The following IGF2R variants were observed in gnomAD, a reference collection of about 807,000 sequenced individuals.
The protein encoded by IGF2R is cation-independent mannose-6-phosphate receptor.
Under a neutral mutation model 270.6 loss-of-function variants are expected in IGF2R, and 91 were observed. The ratio of observed to expected loss-of-function variants is 0.34; its 90% CI spans 0.28 to 0.40. The LOEUF (loss-of-function observed/expected upper bound fraction) is 0.40. IGF2R is among the 10% of genes least tolerant of loss of function. The pLI is 1.00. For synonymous variants in IGF2R, 1,316 were observed against 1,258.9 expected (o/e 1.05, Z -0.96); for missense variants, 2,805 against 3,188.3 (o/e 0.88, Z 2.90).
At position 160,050,479 on chromosome 6, in the gene IGF2R, T is replaced by G. The variant is rs1474064627; in HGVS notation, c.2521T>G (p.Phe841Val). The G allele has an allele frequency of 8.1e-6, 13 of 1,607,818 alleles. No homozygotes were observed. Among genetic ancestry groups the G allele is most frequent in the Non-Finnish European group, 1.1e-5 (13 of 1,174,800 alleles). The change falls in exon 19 of 48, where the codon TTC (phenylalanine) becomes GTC (valine). Residue 841 changes from phenylalanine to valine, a missense_variant. Physicochemically the swap from Phe to Val is conservative, Grantham distance 50. Transcript: ENST00000356956. This position sits in a 1 kb window ranked among gnomAD's most constrained non-coding sequence, Gnocchi z 4.0. ...QMKYEKDQGS[F>V]TEVVSISNLG... ...AAGACTGGTTTTCTTGCAGGGCTCCTTCACTGAAGTGGTTTCCATCAGTAA... is the reference window on the plus strand; with the variant it reads ...AAGACTGGTTTTCTTGCAGGGCTCCGTCACTGAAGTGGTTTCCATCAGTAA...
chr6:160,032,830 G>A (rs12374637), intron 8 of IGF2R, 112 bp from the exon 9 acceptor site: 1 of 1,396,738 alleles, frequency 7.2e-7, no homozygotes, highest in Non-Finnish European at 9.8e-7. Flanking sequence ...GAGAGCTGTA[G>A]TTTGGGCTGG....
At chr6:160,101,295 C>A (rs1367550697) in intron 45 of IGF2R, among the ~76,000 whole-genome samples, 1 of 152,150 alleles carries the variant, frequency 6.6e-6, no homozygotes, top group East Asian at 1.9e-4. Flanking sequence ...GGATGCATTT[C>A]GAGTGGTCCT....
intron 5 of IGF2R, among the ~76,000 whole-genome samples, chr6:160,026,327 G>A (rs957076096): frequency 6.6e-6 from 1 of 152,200 alleles, no homozygotes; most frequent in African/African-American, 2.4e-5. Context: ...ACTAGCTGGT[G>A]CAAAGGTAGA....
At chr6:160,070,317 T>C (rs1778689931) in intron 31 of IGF2R, among the ~76,000 whole-genome samples, 1 of 152,148 alleles carries the variant, frequency 6.6e-6, no homozygotes, top group African/African-American at 2.4e-5. Context: ...CTCAGACCCC[T>C]AAAGGCTGTG....
intron 39 of IGF2R, among the ~76,000 whole-genome samples, chr6:160,082,458 C>T (rs187957044): frequency 1.4e-4 from 21 of 152,040 alleles, no homozygotes; most frequent in African/African-American, 3.1e-4. Flanking sequence ...TACAGGGGCC[C>T]GCCACCTCAC....
At chr6:160,091,936 C>A (rs1461354568) in intron 44 of IGF2R, among the ~76,000 whole-genome samples, 1 of 152,230 alleles carries the variant, frequency 6.6e-6, no homozygotes, top group African/African-American at 2.4e-5. Flanking sequence ...TCAGGTTATT[C>A]ACTAGTTCCC....
intron 2 of IGF2R, among the ~76,000 whole-genome samples, chr6:159,997,221 T>C (rs571802801): frequency 6.5e-4 from 99 of 152,266 alleles, no homozygotes; most frequent in African/African-American, 2.0e-3. Flanking sequence ...CTGTACTCTT[T>C]CTTCCCTTAG....
intron 2 of IGF2R, chr6:160,005,176 G>T (rs8191719): frequency 6.6e-6 from 1 of 152,298 alleles, no homozygotes; most frequent in Non-Finnish European, 1.5e-5. Flanking sequence ...ACAACGAACA[G>T]CTTTGTACAT....
In IGF2R at chr6:160,047,312, G is replaced by A. The variant is rs1444730484; in HGVS notation, c.2205G>A (p.Ala735=). The change falls in exon 16 of 48, where the codon GCG becomes GCA. Residue 735 remains alanine (A), a synonymous_variant. Coordinates refer to ENST00000356956, the MANE Select transcript of IGF2R (RefSeq NM_000876.4). ...TLITFLCDRD[A]GVGFPEYQEE... The stretch of plus-strand genomic sequence containing the variant: ...TCACCTTTCTCTGTGATCGAGACGC[G>A]GGAGTGGGCTTCCCTGAATATCAGG... The A allele has an allele frequency of 5.6e-6, 9 of 1,601,514 alleles. No homozygotes were observed. Among genetic ancestry groups the A allele is most frequent in the East Asian group, 2.2e-5 (1 of 44,730 alleles).
chr6:160,092,288 C>G (rs1252056981), intron 44 of IGF2R, among the ~76,000 whole-genome samples: 1 of 151,804 alleles, frequency 6.6e-6, no homozygotes, highest in African/African-American at 2.4e-5. Context: ...CAGTGCCCCT[C>G]CTGGGAAGGC....
rs980727518 is a variant in IGF2R at position 160,043,291 on chromosome 6, G to A, written c.1621+3G>A. ...GGACGCGGCAGTGTGTGCAGTGGGT[G>A]AGTTGTGCCTGGATGGAAGATCTAG... On this transcript the variant is annotated splice_donor_region_variant and intron_variant, in intron 12 of 47. Transcript: ENST00000356956. 1.2e-6 allele frequency: 2 copies of A among 1,612,602 alleles called. No individual in the cohort carries two copies. Among genetic ancestry groups the A allele is most frequent in the African/African-American group, 1.3e-5 (1 of 74,908 alleles).
At chr6:160,027,750 G>T (rs1442647930) in intron 6 of IGF2R, among the ~76,000 whole-genome samples, 1 of 152,214 alleles carries the variant, frequency 6.6e-6, no homozygotes, top group Non-Finnish European at 1.5e-5. Context: ...GTGGGGAATG[G>T]TGTTCCTTAT....
intron 4 of IGF2R, among the ~76,000 whole-genome samples, chr6:160,017,751 G>A (rs1440587738): frequency 6.6e-6 from 1 of 152,106 alleles, no homozygotes; most frequent in East Asian, 1.9e-4. Context: ...TTTGTATCCT[G>A]CCAGAATAAG....
rs561512922 is a variant in IGF2R at position 160,075,615 on chromosome 6, C to T, written c.5167-232C>T. Among the ~76,000 whole-genome samples the T allele has an allele frequency of 2.6e-5, 4 of 152,308 alleles. No individual in the cohort carries two copies. The South Asian group carries it at 6.2e-4, about 24-fold the overall frequency. ...AAATTGAAGATACCTAGAAATAGAA[C>T]CAACCTTAGAACTAACGTTAGGATC... On this transcript the variant is annotated intron_variant, in intron 35 of 47. Transcript: ENST00000356956.
chr6:160,032,695 C>T lies in IGF2R; in HGVS notation c.1027C>T (p.Pro343Ser). 2 of 1,614,010 alleles carry T rather than the reference C, an allele frequency of 1.2e-6. No homozygotes were observed. The highest frequency in any genetic ancestry group is 1.7e-6 in the Non-Finnish European group (2 of 1,179,986). Reference sequence around the variant, plus strand: ...GCAGGATGTCTCCATAGACCTCACACCACTTGCCCAGAGCGGAGGTAAGCA... The same window carrying T: ...GCAGGATGTCTCCATAGACCTCACATCACTTGCCCAGAGCGGAGGTAAGCA... ...EQQDVSIDLT[P>S]LAQSGGSSYI... is the part of the protein sequence containing the mutation. Residue 343 changes from proline to serine, a missense_variant, in exon 8 of 48, where the codon CCA (proline) becomes TCA (serine). This residue lies in a region of IGF2R where 954 missense variants were observed against 981.1 expected (regional missense o/e 0.97). Transcript: ENST00000356956.
chr6:159,978,076 C>A (rs1382138564), intron 1 of IGF2R, among the ~76,000 whole-genome samples: 2 of 152,110 alleles, frequency 1.3e-5, no homozygotes, highest in African/African-American at 4.8e-5. Flanking sequence ...CTGTTTCTCG[C>A]CCTCCCAGAG....
At chr6:160,057,377 C>T (rs965550001) in intron 20 of IGF2R, among the ~76,000 whole-genome samples, 4 of 152,232 alleles carry the variant, frequency 2.6e-5, no homozygotes, top group African/African-American at 9.6e-5. Flanking sequence ...TTTGCCTTCC[C>T]ACTTCCTGTT....
chr6:159,970,506 G>C (rs949106465), intron 1 of IGF2R, among the ~76,000 whole-genome samples: 4 of 152,096 alleles, frequency 2.6e-5, no homozygotes, highest in Non-Finnish European at 4.4e-5. Context: ...CCTGTGTTCA[G>C]AACATGCAGA....
At chr6:160,052,407 C>T in intron 19 of IGF2R, among the ~76,000 whole-genome samples, 1 of 152,178 alleles carries the variant, frequency 6.6e-6, no homozygotes, top group East Asian at 1.9e-4. Flanking sequence ...AGGAGAACTA[C>T]AAACCACTGC....
Sources: gnomAD v4.1 joint callset for allele counts (sites outside exome capture counted in the v4.1 genomes callset) on GRCh38, gnomAD v4.1.1 for gene constraint, gnomAD v4.1.1 regional missense constraint, Gnocchi (gnomAD v3.1) non-coding constraint, MANE v1.5 for transcripts, NCBI Gene and HGNC (gene_info 2026-07-23, HGNC 2026-07-21) for gene names.